The following KIF21A variants were observed in gnomAD, a reference collection of about 807,000 sequenced individuals.
KIF21A encodes kinesin family member 21A.
KIF21A carries 114 observed loss-of-function variants against 202.9 expected under a neutral mutation model. That is an observed-to-expected ratio of 0.56 (90% CI 0.48 to 0.66). KIF21A has a LOEUF of 0.66. Ranked by LOEUF, KIF21A falls within the 30% of genes least tolerant of loss-of-function variation. KIF21A has a pLI of 0.00. For synonymous variants in KIF21A, 667 were observed against 670.8 expected (o/e 0.99, Z 0.09); for missense variants, 1,677 against 1,994.9 (o/e 0.84, Z 3.04).
chr12:39,406,534 T>C (rs1952605252), intron 1 of KIF21A, among the ~76,000 whole-genome samples: 1 of 152,228 alleles, frequency 6.6e-6, no homozygotes. Context: ...AAATGTTCAC[T>C]CCCTCCTGTG....
In KIF21A at chr12:39,293,842, C is replaced by A. The variant is rs767760567; in HGVS notation, c.*582G>T. On this transcript the variant is annotated 3_prime_UTR_variant, in exon 38 of 38. Coordinates refer to ENST00000361418, the MANE Select transcript of KIF21A (RefSeq NM_001173464.2). ...GCCAACATTTAACACAAACTGTCTA[C>A]CCTTCTCTGTTAGTAGATTAAGATC... 6.5e-6 allele frequency: 1 copy of A among 154,142 alleles called. No homozygotes were observed. The highest frequency in any genetic ancestry group is 1.9e-4 in the East Asian group (1 of 5,218). 9.5% of individuals were successfully genotyped at this position (154,142 alleles called of 1,614,324 possible). A position where few individuals can be genotyped will look rare whatever the true frequency, so the allele number is the denominator to read the frequency against.
At chr12:39,309,969 G>A (rs570137793) in intron 32 of KIF21A, among the ~76,000 whole-genome samples, 37 of 152,138 alleles carry the variant, frequency 2.4e-4, no homozygotes, top group African/African-American at 8.9e-4. Context: ...TCAGATAAAA[G>A]TCTGGGATGT....
chr12:39,303,664 T>C (rs751486663), intron 35 of KIF21A, among the ~76,000 whole-genome samples: 2 of 152,174 alleles, frequency 1.3e-5, no homozygotes, highest in Non-Finnish European at 2.9e-5. Flanking sequence ...ACAAATGATA[T>C]GTTCAATAAT....
chr12:39,330,015 C>A, intron 24 of KIF21A: 1 of 439,962 alleles, frequency 2.3e-6, no homozygotes, highest in Non-Finnish European at 4.1e-6. Context: ...ATAAAAGAGA[C>A]AACTAACAAA....
In KIF21A at chr12:39,398,194, C is replaced by T. The variant is rs78523311; in HGVS notation, c.45-27933G>A. On this transcript the variant is annotated intron_variant, in intron 1 of 37. Transcript: ENST00000361418. ...AAATTTACACTCTACATTTTAAAAACCATCATAGGGAGAAAGGCCATTGAA... is the reference window on the plus strand; with the variant it reads ...AAATTTACACTCTACATTTTAAAAATCATCATAGGGAGAAAGGCCATTGAA... Among the ~76,000 whole-genome samples the T allele has an allele frequency of 4.5e-3, 686 of 152,278 alleles. 5 individuals are homozygous for T. The highest frequency in any genetic ancestry group is 0.016 in the African/African-American group (654 of 41,558).
intron 26 of KIF21A, 66 bp downstream of exon 26, chr12:39,325,773 G>T: frequency 9.3e-7 from 1 of 1,071,056 alleles, no homozygotes; most frequent in Non-Finnish European, 1.5e-6. Context: ...CTGAACCTAT[G>T]TGTTAAATAG....
intron 27 of KIF21A, 22 bp from the exon 28 acceptor site, chr12:39,320,035 T>C (rs1424046135): frequency 5.9e-6 from 8 of 1,357,780 alleles, no homozygotes; most frequent in South Asian, 3.6e-5. Flanking sequence ...GAAGATTCTT[T>C]AATTACCTAA....
chr12:39,400,984 A>T (rs1008263457), intron 1 of KIF21A, among the ~76,000 whole-genome samples: 6 of 152,200 alleles, frequency 3.9e-5, no homozygotes, highest in Non-Finnish European at 7.3e-5. Context: ...TGGAAGCCAA[A>T]CCAGAAGATT....
chr12:39,425,569 C>T (rs560673904), intron 1 of KIF21A, among the ~76,000 whole-genome samples: 3 of 151,980 alleles, frequency 2.0e-5, no homozygotes, highest in Admixed American at 2.0e-4. Context: ...CCAACATAAG[C>T]CCAAGATACT....
chr12:39,411,835 CCTG>C (rs1302376808), intron 1 of KIF21A, among the ~76,000 whole-genome samples: 2 of 152,046 alleles, frequency 1.3e-5, no homozygotes, highest in Non-Finnish European at 2.9e-5. Flanking sequence ...CTGTACCTGG[CCTG>C]CTGCTAATTT....
rs551066416 is a variant in KIF21A at position 39,294,129 on chromosome 12, AAAT to A, written c.*292_*294del. ...ACAAAAGCAGACGTCTTGGTAATTC[AAAT>A]AATTTGAAAGTGTGTTTTATAGATA... On this transcript the variant is annotated 3_prime_UTR_variant, in exon 38 of 38. Transcript: ENST00000361418. The A allele has an allele frequency of 1.0e-3, 297 of 292,426 alleles. No individual in the cohort carries two copies. The highest frequency in any genetic ancestry group is 6.0e-3 in the African/African-American group (274 of 45,380). The allele number at this position is 292,426 out of a possible 1,614,324, so 18.1% of individuals were successfully genotyped here.
At chr12:39,396,172 C>A (rs1467244994) in intron 1 of KIF21A, among the ~76,000 whole-genome samples, 2 of 152,122 alleles carry the variant, frequency 1.3e-5, no homozygotes, top group Admixed American at 6.5e-5. Flanking sequence ...TGTACCACAC[C>A]CACATATATC....
intron 26 of KIF21A, among the ~76,000 whole-genome samples, chr12:39,324,994 T>C (rs979124902): frequency 2.0e-5 from 3 of 152,230 alleles, no homozygotes; most frequent in African/African-American, 7.2e-5. Flanking sequence ...ATATGTACCA[T>C]AGCTATCTCA....
rs751467047 is a variant in KIF21A, at chr12:39,311,476, T to A, written c.4037A>T (p.His1346Leu). 1 of 1,613,048 alleles carries A rather than the reference T, an allele frequency of 6.2e-7. No homozygotes were observed. Among genetic ancestry groups the A allele is most frequent in the Non-Finnish European group, 8.5e-7 (1 of 1,179,220 alleles). Residue 1346 changes from histidine (H) to leucine (L), a missense_variant, in exon 32 of 38, where the codon CAT becomes CTT. His to Leu is a moderately conservative substitution (Grantham distance 99, BLOSUM62 -3). Around this residue, in one of 3 missense-constraint regions of KIF21A, gnomAD observed 705 missense variants for 791.9 expected, o/e 0.89. Coordinates refer to ENST00000361418, the MANE Select transcript of KIF21A (RefSeq NM_001173464.2). ...PLQCIHIAEG[H>L]TKAVLCVDST... is the part of the protein sequence containing the mutation. Reference sequence around the variant, plus strand: ...ATCCACACAGAGCACAGCTTTTGTATGCCCTTCAGCTATGTGAATACACTG... The same window carrying A: ...ATCCACACAGAGCACAGCTTTTGTAAGCCCTTCAGCTATGTGAATACACTG...
chr12:39,374,897 C>CT (rs921884956), intron 1 of KIF21A, among the ~76,000 whole-genome samples: 5 of 152,006 alleles, frequency 3.3e-5, no homozygotes, highest in Non-Finnish European at 7.4e-5. Flanking sequence ...GAATAAACTA[C>CT]TTTTTTTTCC....
chr12:39,296,294 C>A (rs912732052), intron 37 of KIF21A, among the ~76,000 whole-genome samples: 4 of 151,786 alleles, frequency 2.6e-5, no homozygotes, highest in Admixed American at 1.3e-4. Flanking sequence ...TGGTCCCGAT[C>A]TCCTGACCTC....
Position 39,331,402 on chromosome 12 carries a change from C to T in KIF21A, c.3153+288G>A, listed in dbSNP as rs113965869. Among the ~76,000 whole-genome samples the T allele has an allele frequency of 2.8e-3, 424 of 152,218 alleles. 3 individuals are homozygous for T. The highest frequency in any genetic ancestry group is 9.4e-3 in the African/African-American group (389 of 41,544). Reference sequence around the variant, plus strand: ...TTATGATACCAAATTTGTTTGCATGCTGAGAAATTTCTTCTAATTTTTCCT... The same window carrying T: ...TTATGATACCAAATTTGTTTGCATGTTGAGAAATTTCTTCTAATTTTTCCT... On this transcript the variant is annotated intron_variant, in intron 22 of 37. Coordinates refer to ENST00000361418, the MANE Select transcript of KIF21A (RefSeq NM_001173464.2).
chr12:39,298,311 C>G (rs571545019), intron 37 of KIF21A, among the ~76,000 whole-genome samples: 2 of 152,228 alleles, frequency 1.3e-5, no homozygotes, highest in South Asian at 4.1e-4. Context: ...GAAAAGAACT[C>G]TACAAATCTA....
At chr12:39,401,227 T>A (rs1952151985) in intron 1 of KIF21A, among the ~76,000 whole-genome samples, 1 of 152,058 alleles carries the variant, frequency 6.6e-6, no homozygotes, top group South Asian at 2.1e-4. Flanking sequence ...AGACAGTATA[T>A]AGTAAGCAAG....
Sources: gnomAD v4.1 joint callset for allele counts (sites outside exome capture counted in the v4.1 genomes callset) on GRCh38, gnomAD v4.1.1 for gene constraint, gnomAD v4.1.1 regional missense constraint, MANE v1.5 for transcripts, NCBI Gene and HGNC (gene_info 2026-07-23, HGNC 2026-07-21) for gene names.